MTAP: variants seen among roughly 807,000 people sequenced by gnomAD.
MTAP encodes S-methyl-5'-thioadenosine phosphorylase.
MTAP carries 33 observed loss-of-function variants against 33.6 expected under a neutral mutation model. That is an observed-to-expected ratio of 0.98 (90% CI 0.74 to 1.31). MTAP has a LOEUF of 1.31. Ranked by LOEUF, MTAP falls within the 40% of genes most tolerant of loss-of-function variation. The pLI, the probability that MTAP is intolerant of heterozygous loss-of-function variation, is 0.00. For missense variants in MTAP, 367 were observed against 360.0 expected, an observed-to-expected ratio of 1.02 and a Z score of -0.16; for synonymous variants, 148 against 125.7, an observed-to-expected ratio of 1.18 and a Z score of -1.19.
intron 4 of MTAP, among the ~76,000 whole-genome samples, chr9:21,823,556 A>C (rs1363810998): frequency 6.6e-6 from 1 of 151,930 alleles, no homozygotes; most frequent in African/African-American, 2.4e-5. Flanking sequence ...TTTTTCCTTC[A>C]TTTCAACTTT....
intron 1 of MTAP, among the ~76,000 whole-genome samples, chr9:21,923,691 C>T (rs1443361012): frequency 6.6e-6 from 1 of 152,124 alleles, no homozygotes; most frequent in Non-Finnish European, 1.5e-5. Flanking sequence ...TCCATACCCT[C>T]CTCAATGTGC....
intron 1 of MTAP, among the ~76,000 whole-genome samples, chr9:21,901,284 C>T (rs1300498898): frequency 6.6e-6 from 1 of 152,200 alleles, no homozygotes; most frequent in African/African-American, 2.4e-5. Flanking sequence ...AATGTTAGTT[C>T]TCCTTAATAT....
intron 4 of MTAP, among the ~76,000 whole-genome samples, chr9:21,822,929 T>C (rs1824683604): frequency 6.6e-6 from 1 of 152,256 alleles, no homozygotes; most frequent in South Asian, 2.1e-4. Context: ...AAGTCTGTTT[T>C]ATCAGAGACT....
At chr9:21,814,885 T>C (rs933061297) in intron 1 of MTAP, among the ~76,000 whole-genome samples, 14 of 152,222 alleles carry the variant, frequency 9.2e-5, no homozygotes, top group African/African-American at 3.1e-4. Context: ...CAGTCTCCTC[T>C]GTCTGCATTC....
At chr9:21,821,581 A>C (rs550973753) in intron 4 of MTAP, among the ~76,000 whole-genome samples, 2 of 152,104 alleles carry the variant, frequency 1.3e-5, no homozygotes, top group African/African-American at 4.8e-5. Context: ...TTGGTCTAAA[A>C]TTGTCTTTTT....
intron 4 of MTAP, among the ~76,000 whole-genome samples, chr9:21,829,122 C>T (rs1010299769): frequency 6.6e-6 from 1 of 152,174 alleles, no homozygotes; most frequent in Non-Finnish European, 1.5e-5. Context: ...TTGAGACGGG[C>T]ATCTCCTACC....
intron 1 of MTAP, among the ~76,000 whole-genome samples, chr9:21,911,162 A>G (rs538167155): frequency 1.5e-3 from 236 of 152,268 alleles, no homozygotes; most frequent in Middle Eastern, 3.4e-3. Flanking sequence ...AGAGACTTAG[A>G]CTCCCACACA....
At chr9:21,939,195 A>G (rs573133097), downstream of MTAP, among the ~76,000 whole-genome samples, 1 of 152,258 alleles carries the variant, frequency 6.6e-6, no homozygotes, top group African/African-American at 2.4e-5. Context: ...CATAATTCTG[A>G]GGCCTCCCCA....
rs913963877 is a variant in MTAP at position 21,864,095 on chromosome 9, A to G, written c.*2081A>G. ...AATAGGTGTCTAAGAATGTCAGGGC[A>G]AAAGTATGGGCATTTTTCTTGCTAT... On this transcript the variant is annotated 3_prime_UTR_variant, in exon 8 of 8. Transcript: ENST00000644715. The G allele has an allele frequency of 2.0e-6, 2 of 985,342 alleles. No individual in the cohort carries two copies. The highest frequency in any genetic ancestry group is 1.2e-4 in the Admixed American group (2 of 16,266). 61.0% of individuals were successfully genotyped at this position (985,342 alleles called of 1,614,324 possible). A position where few individuals can be genotyped will look rare whatever the true frequency, so the allele number is the denominator to read the frequency against.
rs373490718 is a variant in MTAP, at chr9:21,813,963, G to C, written c.34-1470G>C. On this transcript the variant is annotated intron_variant, in intron 1 of 7. Coordinates refer to ENST00000644715, the MANE Select transcript of MTAP (RefSeq NM_002451.4). ...CTTAAGTGAACACTTCTGTTGATTT[G>C]AAAGCTATAATACTGGTTACTCTTT... 4.6e-5 allele frequency: 7 copies of C among 152,328 alleles called. No individual in the cohort carries two copies. In the South Asian group the frequency reaches 6.2e-4, roughly 14 times the overall value. 9.4% of individuals were successfully genotyped at this position (152,328 alleles called of 1,614,324 possible).
At position 21,864,751 on chromosome 9, in the gene MTAP, G is replaced by A; in HGVS notation, c.*2737G>A. The A allele has an allele frequency of 1.0e-6, 1 of 985,396 alleles. No individual in the cohort carries two copies. 61.0% of individuals were successfully genotyped at this position (985,396 alleles called of 1,614,324 possible). On this transcript the variant is annotated 3_prime_UTR_variant, in exon 8 of 8. Coordinates refer to ENST00000644715, the MANE Select transcript of MTAP (RefSeq NM_002451.4). ...GAGGACAGTGAACTTCCTTGAAGAG[G>A]GAGTGACTAAGGTGACCTCCAACCT...
intron 5 of MTAP, among the ~76,000 whole-genome samples, chr9:21,851,092 C>G (rs954841064): frequency 6.6e-6 from 1 of 152,202 alleles, no homozygotes; most frequent in African/African-American, 2.4e-5. Flanking sequence ...TATTACCATG[C>G]CCTGTAATTA....
intron 1 of MTAP, among the ~76,000 whole-genome samples, chr9:21,909,505 C>G (rs1262683915): frequency 6.6e-6 from 1 of 151,994 alleles, no homozygotes; most frequent in African/African-American, 2.4e-5. Context: ...TTAAGCTATT[C>G]AAAACCAACT....
intron 4 of MTAP, among the ~76,000 whole-genome samples, chr9:21,833,324 A>C (rs1825019921): frequency 6.6e-6 from 1 of 152,162 alleles, no homozygotes; most frequent in Non-Finnish European, 1.5e-5. Context: ...CTGGGACTAC[A>C]AGGGTGTGAC....
intron 1 of MTAP, among the ~76,000 whole-genome samples, chr9:21,807,321 A>T (rs868655874): frequency 2.0e-5 from 3 of 151,836 alleles, no homozygotes; most frequent in African/African-American, 4.8e-5. Flanking sequence ...GGGCCTTTAC[A>T]CTCCCTGCTT....
In MTAP at chr9:21,863,720, A is replaced by G. The variant is rs993862276; in HGVS notation, c.*1706A>G. 3 of 985,786 alleles carry G rather than the reference A, an allele frequency of 3.0e-6. No individual in the cohort carries two copies. The highest frequency in any genetic ancestry group is 3.5e-5 in the African/African-American group (2 of 57,330). 61.1% of individuals were successfully genotyped at this position (985,786 alleles called of 1,614,324 possible). A position where few individuals can be genotyped will look rare whatever the true frequency, so the allele number is the denominator to read the frequency against. Reference sequence around the variant, plus strand: ...AATTGTTTTCTTTTCACTGTAGGCTATTACAGGATACTTCAGGATCAAGAT... The same window carrying G: ...AATTGTTTTCTTTTCACTGTAGGCTGTTACAGGATACTTCAGGATCAAGAT... On this transcript the variant is annotated 3_prime_UTR_variant, in exon 8 of 8. Coordinates refer to ENST00000644715, the MANE Select transcript of MTAP (RefSeq NM_002451.4).
At chr9:21,827,650 G>A (rs988315836) in intron 4 of MTAP, among the ~76,000 whole-genome samples, 10 of 152,194 alleles carry the variant, frequency 6.6e-5, no homozygotes, top group South Asian at 2.1e-4. Context: ...TGAGATCAAA[G>A]TCACTTTCTG....
At chr9:21,938,575 A>C (rs1819081995), downstream of MTAP, among the ~76,000 whole-genome samples, 1 of 152,188 alleles carries the variant, frequency 6.6e-6, no homozygotes, top group South Asian at 2.1e-4. Flanking sequence ...ATGTTCTGTG[A>C]ACTTCTACAA....
chr9:21,818,424 T>C (rs1216063398), intron 4 of MTAP, among the ~76,000 whole-genome samples: 2 of 147,890 alleles, frequency 1.4e-5, no homozygotes, highest in African/African-American at 5.0e-5. Context: ...GCCTCCCAGG[T>C]TCAAGCAATG....
Sources: allele counts gnomAD v4.1 joint callset (sites outside exome capture counted in the v4.1 genomes callset), GRCh38; gene constraint gnomAD v4.1.1; transcripts MANE v1.5; gene names NCBI Gene and HGNC (gene_info 2026-07-23, HGNC 2026-07-21).